IST1: variants seen among roughly 807,000 people sequenced by gnomAD.
IST1 encodes IST1 homolog.
Under a neutral mutation model 37.0 loss-of-function variants are expected in IST1, and 23 were observed. The ratio of observed to expected loss-of-function variants is 0.62; its 90% confidence interval spans 0.45 to 0.88. The LOEUF is 0.88. Among genes scored for constraint, IST1 ranks in the 40% least tolerant of loss-of-function variants. The probability of loss-of-function intolerance (pLI) is 0.00; values close to 1 mark genes in which losing one functional copy is unlikely to be tolerated. For synonymous variants in IST1, 180 were observed against 161.7 expected, an observed-to-expected ratio of 1.11 and a Z score of -0.86; for missense variants, 488 against 445.4, an observed-to-expected ratio of 1.10 and a Z score of -0.86.
intron 6 of IST1, chr16:71,921,741 A>G (rs2037590684): frequency 1.5e-5 from 5 of 322,818 alleles, no homozygotes. Flanking sequence ...GTTCATAGCA[A>G]GAAATGCCCC....
At position 71,927,557 on chromosome 16, in the gene IST1, A is replaced by C. The variant is rs1017188788; in HGVS notation, c.902-57A>C. The C allele has an allele frequency of 7.5e-6, 9 of 1,198,236 alleles. No individual in the cohort carries two copies. In the Admixed American group the frequency reaches 1.6e-4, roughly 22 times the overall value. The allele number at this position is 1,198,236 out of a possible 1,614,324, so 74.2% of individuals were successfully genotyped here. A position where few individuals can be genotyped will look rare whatever the true frequency, so the allele number is the denominator to read the frequency against. ...TTGATCATTTTATTTTTACTGCCAA[A>C]GGGGATCTGAGTCATTTCTCTGGTA... On this transcript the variant is annotated intron_variant, in intron 9 of 9. Transcript: ENST00000378799.
At chr16:71,924,546 G>GT (rs2037690876) in intron 8 of IST1, 1 of 590,202 alleles carries the variant, frequency 1.7e-6, no homozygotes, top group Admixed American at 3.0e-5. Context: ...AGCCGTGATT[G>GT]TATCACTGCA....
chr16:71,919,999 G>A (rs1222650064), intron 4 of IST1, among the ~76,000 whole-genome samples: 1 of 152,188 alleles, frequency 6.6e-6, no homozygotes, highest in Non-Finnish European at 1.5e-5. Context: ...AACAAAGGGG[G>A]TAAAAATATT....
chr16:71,909,095 CT>C (rs34086105), intron 1 of IST1, among the ~76,000 whole-genome samples: 368 of 102,932 alleles, frequency 3.6e-3, no homozygotes, highest in African/African-American at 0.012. Flanking sequence ...TTTTGTTTGT[CT>C]TTTTTTTTTT....
intron 9 of IST1, 103 bp downstream of exon 9, chr16:71,924,920 T>G (rs2037702176): frequency 6.4e-6 from 5 of 778,990 alleles, no homozygotes; most frequent in Non-Finnish European, 1.1e-5. Context: ...TCCATGGACT[T>G]CTATCTGCAT....
At chr16:71,925,589 C>T (rs2037722958) in intron 9 of IST1, among the ~76,000 whole-genome samples, 1 of 152,100 alleles carries the variant, frequency 6.6e-6, no homozygotes, top group African/African-American at 2.4e-5. Context: ...GCTGAGATTA[C>T]AGGCATGAGC....
rs187834182 is a variant in IST1, at chr16:71,925,788, A to C, written c.901+971A>C. ...GCCTGGGCAAGATCCTTGTTTCCAC[A>C]AAAAATTTTTAAAAAACCCATCTGA... On this transcript the variant is annotated intron_variant, in intron 9 of 9. Transcript: ENST00000378799. Among the ~76,000 whole-genome samples the C allele has an allele frequency of 2.0e-5, 3 of 152,180 alleles. No individual in the cohort carries two copies. In the East Asian group the frequency reaches 5.8e-4, roughly 30 times the overall value.
At chr16:71,895,630 T>C (rs1173383539) in intron 1 of IST1, 41 bp downstream of exon 1, 1 of 834,046 alleles carries the variant, frequency 1.2e-6, no homozygotes. Context: ...TCTGTCTTCC[T>C]CTTCTCTCTG....
intron 4 of IST1, among the ~76,000 whole-genome samples, chr16:71,918,906 A>G (rs1346038443): frequency 1.3e-5 from 2 of 152,210 alleles, no homozygotes; most frequent in Non-Finnish European, 2.9e-5. Context: ...GTACCCCTGA[A>G]AGTCTTCATA....
intron 2 of IST1, 53 bp from the exon 3 acceptor site, chr16:71,916,409 G>GC: frequency 6.3e-7 from 1 of 1,575,276 alleles, no homozygotes; most frequent in South Asian, 1.1e-5. Context: ...TGGCCTGTAG[G>GC]CCAGATGCAA....
At chr16:71,896,258 G>A (rs1348522463) in intron 1 of IST1, among the ~76,000 whole-genome samples, 2 of 152,128 alleles carry the variant, frequency 1.3e-5, no homozygotes, top group African/African-American at 2.4e-5. Flanking sequence ...TGCTGGAGGT[G>A]ACCTCTTGGA....
Position 71,928,713 on chromosome 16 carries a change from G to C in IST1, c.*900G>C, listed in dbSNP as rs1458274686. ...GTACCTGTTTTCATTTGAAAACTTT[G>C]ATTCATGGAACCTTTAAAACTAATC... On this transcript the variant is annotated 3_prime_UTR_variant, in exon 10 of 10. Coordinates refer to ENST00000378799, the MANE Select transcript of IST1 (RefSeq NM_001270975.2). 1.3e-5 allele frequency: 2 copies of C among 152,510 alleles called. No homozygotes were observed. Among genetic ancestry groups the C allele is most frequent in the African/African-American group, 4.8e-5 (2 of 41,438 alleles). The allele number at this position is 152,510 out of a possible 1,614,324, so 9.4% of individuals were successfully genotyped here. A position where few individuals can be genotyped will look rare whatever the true frequency, so the allele number is the denominator to read the frequency against.
rs2037808243 is a variant in IST1 at position 71,928,531 on chromosome 16, G to A, written c.*718G>A. Reference sequence around the variant, plus strand: ...CCTTGTACCAGAGGGCGGCACCGTGGAAATTCTGTTTTCCCTGTAGCATAT... The same window carrying A: ...CCTTGTACCAGAGGGCGGCACCGTGAAAATTCTGTTTTCCCTGTAGCATAT... On this transcript the variant is annotated 3_prime_UTR_variant, in exon 10 of 10. Transcript: ENST00000378799. The A allele has an allele frequency of 6.6e-6, 1 of 152,642 alleles. No individual in the cohort carries two copies. Among genetic ancestry groups the A allele is most frequent in the Non-Finnish European group, 1.5e-5 (1 of 68,084 alleles). The allele number at this position is 152,642 out of a possible 1,614,324, so 9.5% of individuals were successfully genotyped here.
intron 1 of IST1, among the ~76,000 whole-genome samples, chr16:71,900,789 A>C (rs1480122707): frequency 6.6e-6 from 1 of 152,140 alleles, no homozygotes; most frequent in African/African-American, 2.4e-5. Flanking sequence ...TGTCAGCTAT[A>C]CCCATTTGAT....
chr16:71,911,954 C>G (rs1377983727), intron 1 of IST1, among the ~76,000 whole-genome samples: 1 of 151,960 alleles, frequency 6.6e-6, no homozygotes, highest in African/African-American at 2.4e-5. Flanking sequence ...GAGCTCAAGT[C>G]TCTGCCTCCC....
chr16:71,896,236 C>T (rs952351763), intron 1 of IST1, among the ~76,000 whole-genome samples: 5 of 151,358 alleles, frequency 3.3e-5, no homozygotes, highest in African/African-American at 1.2e-4. Context: ...TCTCGGTGCT[C>T]TTCTTCCGGG....
chr16:71,925,611 G>A (rs2037723851), intron 9 of IST1, among the ~76,000 whole-genome samples: 1 of 152,102 alleles, frequency 6.6e-6, no homozygotes, highest in Non-Finnish European at 1.5e-5. Context: ...ACCGTGCCCG[G>A]CCAGCTCAGT....
chr16:71,924,618 C>G (rs1190952931), intron 8 of IST1, 151 bp from the exon 9 acceptor site: 1 of 667,692 alleles, frequency 1.5e-6, no homozygotes, highest in Non-Finnish European at 2.7e-6. Flanking sequence ...TAGTATCTAC[C>G]TGATTGGAAA....
At chr16:71,923,544 G>T in intron 8 of IST1, 164 bp downstream of exon 8, 2 of 462,290 alleles carry the variant, frequency 4.3e-6, no homozygotes, top group Middle Eastern at 6.1e-4. Flanking sequence ...CTGGAAATGT[G>T]GAGTGGGTGG....
Sources: gnomAD v4.1 joint callset for allele counts (sites outside exome capture counted in the v4.1 genomes callset) on GRCh38, gnomAD v4.1.1 for gene constraint, MANE v1.5 for transcripts, NCBI Gene and HGNC (gene_info 2026-07-23, HGNC 2026-07-21) for gene names.